Variants in KIFC3 observed in about 807,000 individuals in gnomAD.
The protein encoded by KIFC3 is kinesin-like protein KIFC3.
KIFC3 carries 60 observed loss-of-function variants against 101.8 expected under a neutral mutation model. That is an observed-to-expected ratio of 0.59 (90% confidence interval 0.48 to 0.73). KIFC3 has a LOEUF of 0.73. Among genes scored for constraint, KIFC3 ranks in the 30% least tolerant of loss-of-function variants. The probability of loss-of-function intolerance (pLI) is 0.00; values close to 1 mark genes in which losing one functional copy is unlikely to be tolerated. For synonymous variants in KIFC3, 476 were observed against 482.7 expected (o/e 0.99, Z 0.18); for missense variants, 966 against 1,137.1 (o/e 0.85, Z 2.16).
upstream of KIFC3, among the ~76,000 whole-genome samples, chr16:57,805,733 T>G (rs1200411898): frequency 1.4e-5 from 2 of 146,932 alleles, no homozygotes; most frequent in African/African-American, 5.0e-5. Flanking sequence ...TGGAGTGCAG[T>G]GGCGCAATCT....
upstream of KIFC3, among the ~76,000 whole-genome samples, chr16:57,803,617 G>A (rs968605601): frequency 1.3e-5 from 2 of 152,230 alleles, no homozygotes; most frequent in Non-Finnish European, 2.9e-5. Context: ...GACCAGCGAC[G>A]GAGCCAAGGG....
rs1555605958 is a variant in KIFC3 at position 57,769,728 on chromosome 16, A to G, written c.1088-3T>C. 3.7e-6 allele frequency: 6 copies of G among 1,613,014 alleles called. No homozygotes were observed. The highest frequency in any genetic ancestry group is 2.7e-5 in the African/African-American group (2 of 74,900). On this transcript the variant is annotated splice_polypyrimidine_tract_variant and splice_region_variant and intron_variant, in intron 8 of 19. Transcript: ENST00000445690. This position sits in a 1 kb window ranked among gnomAD's most constrained non-coding sequence, Gnocchi z 4.3. ...GGTCAGCAAGTTGGTCCGGACGCCT[A>G]TGGGGACACTCGGGCTGTGAGGCGG...
In KIFC3 at chr16:57,769,470, G is replaced by A. The variant is rs544238951; in HGVS notation, c.1218+125C>T. The A allele has an allele frequency of 4.2e-6, 5 of 1,197,188 alleles. No individual in the cohort carries two copies. Among genetic ancestry groups the A allele is most frequent in the Non-Finnish European group, 5.8e-6 (5 of 864,398 alleles). The allele number at this position is 1,197,188 out of a possible 1,614,324, so 74.2% of individuals were successfully genotyped here. On this transcript the variant is annotated intron_variant, in intron 9 of 19. Coordinates refer to ENST00000445690, the MANE Select transcript of KIFC3 (RefSeq NM_001130100.2). This position sits in a 1 kb window ranked among gnomAD's most constrained non-coding sequence, Gnocchi z 4.3. ...AAGGGCAGCAGTAAGTGTCATGGGG[G>A]GTGGGGCAGGGGCTGCTGTCTGAGC...
At chr16:57,862,306 G>A (rs1163234158) in intron 1 of KIFC3, among the ~76,000 whole-genome samples, 1 of 151,322 alleles carries the variant, frequency 6.6e-6, no homozygotes, top group Non-Finnish European at 1.5e-5. Context: ...TTATAGGTGT[G>A]AGCCACCTTG....
intron 6 of KIFC3, 140 bp downstream of exon 6, chr16:57,771,058 G>A: frequency 3.5e-6 from 4 of 1,132,860 alleles, no homozygotes; most frequent in Non-Finnish European, 5.0e-6. Flanking sequence ...GAAGGGGCAG[G>A]ACCAAGCACA....
intron 1 of KIFC3, among the ~76,000 whole-genome samples, chr16:57,859,468 T>A (rs1327419852): frequency 6.6e-6 from 1 of 152,182 alleles, no homozygotes; most frequent in Admixed American, 6.5e-5. Flanking sequence ...AGTTAAAGCG[T>A]CAAAAGAGTC....
intron 1 of KIFC3, among the ~76,000 whole-genome samples, chr16:57,811,070 G>C (rs1344716670): frequency 1.4e-4 from 21 of 152,192 alleles, no homozygotes; most frequent in Admixed American, 1.4e-3. Context: ...TCCTCATTCT[G>C]GGACTCTGCT....
In KIFC3 at chr16:57,845,413, C is replaced by T. The variant is rs74864416; in HGVS notation, c.108+17316G>A. Among the ~76,000 whole-genome samples the T allele has an allele frequency of 6.5e-3, 995 of 152,286 alleles. 6 individuals are homozygous for T. Among genetic ancestry groups the T allele is most frequent in the Non-Finnish European group, 0.011 (776 of 68,022 alleles). ...ATCACGTCACTCATCTGCTCAAAGC[C>T]GTCTGTGGCCCCCATATCGCTTCAA... On this transcript the variant is annotated intron_variant, in intron 1 of 2. Transcript: ENST00000563028.
chr16:57,795,029 T>G lies in KIFC3; in HGVS notation c.285A>C (p.Gly95=). The G allele has an allele frequency of 6.3e-7, 1 of 1,597,536 alleles. No homozygotes were observed. Among genetic ancestry groups the G allele is most frequent in the Non-Finnish European group, 8.5e-7 (1 of 1,174,310 alleles). ...RALSVDWAGP[G]SPHGLYLTLQ... is the part of the protein sequence containing the mutation. ...GGGTCAGGTAGAGCCCGTGGGGGCT[T>G]CCGGGGCCAGCCCAGTCCACGCTAA... The change falls in exon 3 of 20, where the codon GGA becomes GGC. Residue 95 remains glycine, a synonymous_variant. Transcript: ENST00000445690.
intron 10 of KIFC3, 138 bp from the exon 11 acceptor site, chr16:57,765,778 C>T (rs2050416809): frequency 1.4e-6 from 1 of 703,826 alleles, no homozygotes; most frequent in East Asian, 2.8e-5. Context: ...GGGAAGGGGG[C>T]CCACAAAGCT....
chr16:57,794,880 T>C (rs1555621901), intron 3 of KIFC3, 119 bp downstream of exon 3: 2 of 878,482 alleles, frequency 2.3e-6, no homozygotes, highest in East Asian at 6.3e-5. Context: ...AACAGAGAGG[T>C]GCGAGGTGGG....
intron 3 of KIFC3, among the ~76,000 whole-genome samples, chr16:57,789,846 C>T (rs782601921): frequency 3.3e-5 from 5 of 152,020 alleles, no homozygotes; most frequent in Non-Finnish European, 7.4e-5. Context: ...AAGCGATTCT[C>T]CTGCCTCAGC....
intron 1 of KIFC3, among the ~76,000 whole-genome samples, chr16:57,851,702 G>C (rs1382387720): frequency 6.6e-6 from 1 of 151,802 alleles, no homozygotes; most frequent in Non-Finnish European, 1.5e-5. Context: ...GAGTAGCTGG[G>C]ATTACAGGCC....
At chr16:57,861,021 T>C (rs1959240767) in intron 1 of KIFC3, among the ~76,000 whole-genome samples, 1 of 152,142 alleles carries the variant, frequency 6.6e-6, no homozygotes, top group African/African-American at 2.4e-5. Context: ...CAAGAATGCC[T>C]CACCTTAAAC....
chr16:57,853,286 G>A (rs1022814031), intron 1 of KIFC3, among the ~76,000 whole-genome samples: 1 of 152,006 alleles, frequency 6.6e-6, no homozygotes, highest in Non-Finnish European at 1.5e-5. Flanking sequence ...GGGCATGGTG[G>A]TACATGCCTG....
chr16:57,852,914 G>A (rs903352797), intron 1 of KIFC3, among the ~76,000 whole-genome samples: 1 of 151,970 alleles, frequency 6.6e-6, no homozygotes, highest in African/African-American at 2.4e-5. Context: ...AACTTTCCTT[G>A]TAGAATTTCT....
chr16:57,776,294 G>A (rs1343065584), intron 3 of KIFC3: 2 of 985,386 alleles, frequency 2.0e-6, no homozygotes, highest in African/African-American at 3.5e-5. Context: ...CACACCCTGT[G>A]GAGCCCACAG....
At chr16:57,806,253 T>C (rs992957573), upstream of KIFC3, among the ~76,000 whole-genome samples, 2 of 152,180 alleles carry the variant, frequency 1.3e-5, no homozygotes, top group South Asian at 4.1e-4. Context: ...TCAGATCAAG[T>C]CTTCTCCGAG....
At chr16:57,800,674 G>A (rs2054664214) in intron 1 of KIFC3, among the ~76,000 whole-genome samples, 1 of 152,210 alleles carries the variant, frequency 6.6e-6, no homozygotes, top group African/African-American at 2.4e-5. Context: ...AGTGGAGGAG[G>A]CAGCCAGGAA....
Sources: allele counts gnomAD v4.1 joint callset (sites outside exome capture counted in the v4.1 genomes callset), GRCh38; gene constraint gnomAD v4.1.1; non-coding constraint Gnocchi (gnomAD v3.1); transcripts MANE v1.5; gene names NCBI Gene and HGNC (gene_info 2026-07-23, HGNC 2026-07-21).